The following WDPCP variants were observed in gnomAD, a reference collection of about 807,000 sequenced individuals.
WDPCP encodes WD repeat-containing and planar cell polarity effector protein fritz homolog.
A neutral mutation model predicts 93.1 loss-of-function variants in WDPCP; 71 were observed. The observed-to-expected ratio is 0.76, with a 90% confidence interval of 0.63 to 0.93. WDPCP has a LOEUF of 0.93. Ranked by LOEUF, WDPCP falls within the 40% of genes least tolerant of loss-of-function variation. The pLI is 0.00. For synonymous variants in WDPCP, 315 were observed against 315.0 expected, an observed-to-expected ratio of 1.00 and a Z score of 0.00; for missense variants, 844 against 887.4, an observed-to-expected ratio of 0.95 and a Z score of 0.62.
chr2:63,439,005 C>G (rs1697327178), intron 7 of WDPCP, among the ~76,000 whole-genome samples: 1 of 152,090 alleles, frequency 6.6e-6, no homozygotes, highest in South Asian at 2.1e-4. Context: ...AATCTTAGCT[C>G]AGTCACTTTC....
chr2:63,325,103 A>G (rs1687432974), intron 12 of WDPCP, among the ~76,000 whole-genome samples: 1 of 152,182 alleles, frequency 6.6e-6, no homozygotes, highest in Non-Finnish European at 1.5e-5. Flanking sequence ...TCGGGGTTCT[A>G]TAATAGGGAT....
intron 2 of WDPCP, among the ~76,000 whole-genome samples, chr2:63,687,103 T>G (rs1009943579): frequency 6.6e-6 from 1 of 152,244 alleles, no homozygotes; most frequent in Admixed American, 6.5e-5. Flanking sequence ...ATACTCATAA[T>G]TTTTAAACAA....
intron 1 of WDPCP, among the ~76,000 whole-genome samples, chr2:63,512,824 T>C (rs1051031916): frequency 1.3e-5 from 2 of 151,928 alleles, no homozygotes; most frequent in African/African-American, 2.4e-5. Flanking sequence ...CAAACCACCA[T>C]GGCACATGTA....
At chr2:63,137,627 C>T (rs867072396) in intron 17 of WDPCP, among the ~76,000 whole-genome samples, 1 of 152,006 alleles carries the variant, frequency 6.6e-6, no homozygotes, top group South Asian at 2.1e-4. Context: ...GAAATCTGTG[C>T]CCATGCCTGT....
chr2:63,749,450 T>C (rs1307279019), intron 2 of WDPCP, among the ~76,000 whole-genome samples: 3 of 152,146 alleles, frequency 2.0e-5, no homozygotes, highest in Admixed American at 2.0e-4. Flanking sequence ...GCAAAGGTGA[T>C]GTGCATTCAG....
chr2:63,301,318 G>A (rs572080391), intron 13 of WDPCP, among the ~76,000 whole-genome samples: 4 of 152,240 alleles, frequency 2.6e-5, no homozygotes, highest in Admixed American at 2.0e-4. Context: ...CAGTCTCTAC[G>A]TTCTTTTAAG....
At chr2:63,675,922 A>G (rs1254720313) in intron 2 of WDPCP, among the ~76,000 whole-genome samples, 1 of 152,224 alleles carries the variant, frequency 6.6e-6, no homozygotes, top group Non-Finnish European at 1.5e-5. Context: ...GTTATACCAA[A>G]TATTAAAACC....
intron 6 of WDPCP, among the ~76,000 whole-genome samples, chr2:63,461,362 C>T (rs1271799440): frequency 1.3e-5 from 2 of 152,098 alleles, no homozygotes; most frequent in South Asian, 2.1e-4. Context: ...CACCTCCCAT[C>T]CCTACTCTCT....
chr2:63,158,760 C>G (rs1672437420), intron 15 of WDPCP, among the ~76,000 whole-genome samples: 1 of 151,948 alleles, frequency 6.6e-6, no homozygotes, highest in South Asian at 2.1e-4. Context: ...TCATTGGATA[C>G]TTTCAATTGA....
chr2:63,267,362 A>C (rs998166483), intron 13 of WDPCP, among the ~76,000 whole-genome samples: 2 of 152,216 alleles, frequency 1.3e-5, no homozygotes, highest in African/African-American at 4.8e-5. Context: ...GATAAAAGAT[A>C]GTATGTTAAG....
rs188657087 is a variant in WDPCP, at chr2:63,197,263, T to C, written c.1916-22431A>G. Among the ~76,000 whole-genome samples, 4 of 152,326 alleles carry C rather than the reference T, an allele frequency of 2.6e-5. No homozygotes were observed. In the East Asian group the frequency reaches 7.7e-4, roughly 29 times the overall value. The stretch of plus-strand genomic sequence containing the variant: ...TATTTTCCCTTCCTTATGATTTTTA[T>C]AATAAAATTTTCTTTTTTTCTAGCT... On this transcript the variant is annotated intron_variant, in intron 14 of 17. Coordinates refer to ENST00000272321, the MANE Select transcript of WDPCP (RefSeq NM_015910.7).
At chr2:63,125,933 A>C (rs1329885115) in intron 17 of WDPCP, among the ~76,000 whole-genome samples, 1 of 140,376 alleles carries the variant, frequency 7.1e-6, no homozygotes. Flanking sequence ...TTTTTTACAC[A>C]AGCTTTTTTT....
intron 3 of WDPCP, among the ~76,000 whole-genome samples, chr2:63,621,188 TAGA>T (rs1443598854): frequency 6.6e-6 from 1 of 151,814 alleles, no homozygotes; most frequent in African/African-American, 2.4e-5. Flanking sequence ...TTAACTGATG[TAGA>T]AGGTGGCTTC....
At position 63,368,534 on chromosome 2, in the gene WDPCP, C is replaced by T. The variant is rs551026218; in HGVS notation, c.1748+9852G>A. On this transcript the variant is annotated intron_variant, in intron 12 of 17. Coordinates refer to ENST00000272321, the MANE Select transcript of WDPCP (RefSeq NM_015910.7). ...AGAGACAGGGTTTTACCATGTTGGC[C>T]GGGCTGGTCTTGAATTCCCGACCTC... Among the ~76,000 whole-genome samples, 14 of 151,766 alleles carry T rather than the reference C, an allele frequency of 9.2e-5. No homozygotes were observed. The South Asian group carries it at 2.1e-3, about 23-fold the overall frequency.
intron 1 of WDPCP, among the ~76,000 whole-genome samples, chr2:63,558,524 T>C (rs1452074121): frequency 4.4e-5 from 3 of 68,810 alleles, no homozygotes; most frequent in Non-Finnish European, 7.8e-5. Context: ...TGAGACTCTG[T>C]CTCAAAAAAA....
At chr2:63,477,967 G>A (rs1055397522) in intron 6 of WDPCP, 1 of 152,100 alleles carries the variant, frequency 6.6e-6, no homozygotes, top group African/African-American at 2.4e-5. Flanking sequence ...AGAGACCACA[G>A]GGAGAAGGAA....
intron 14 of WDPCP, among the ~76,000 whole-genome samples, chr2:63,187,596 A>G (rs1347036222): frequency 6.6e-6 from 1 of 152,170 alleles, no homozygotes; most frequent in East Asian, 1.9e-4. Context: ...GCATACACAA[A>G]TTCTCCTTTA....
chr2:63,574,909 T>C (rs940404896), intron 1 of WDPCP, among the ~76,000 whole-genome samples: 2 of 152,206 alleles, frequency 1.3e-5, no homozygotes, highest in African/African-American at 4.8e-5. Context: ...TTTGCCAGTT[T>C]TGCATTCAAT....
chr2:63,510,942 C>T (rs1047104398), intron 1 of WDPCP, among the ~76,000 whole-genome samples: 4 of 152,176 alleles, frequency 2.6e-5, no homozygotes, highest in African/African-American at 9.7e-5. Context: ...AGCCACTACA[C>T]TCCAGCCTGG....
Sources: allele counts gnomAD v4.1 joint callset (sites outside exome capture counted in the v4.1 genomes callset), GRCh38; gene constraint gnomAD v4.1.1; transcripts MANE v1.5; gene names NCBI Gene and HGNC (gene_info 2026-07-23, HGNC 2026-07-21).